ZEB1: variants seen among roughly 807,000 people sequenced by gnomAD.
The protein encoded by ZEB1 is zinc finger E-box binding homeobox 1, also known as zinc finger E-box-binding homeobox 1.
ZEB1 carries 21 observed loss-of-function variants against 84.9 expected under a neutral mutation model. The ratio of observed to expected loss-of-function variants is 0.25; its 90% CI spans 0.18 to 0.36. The LOEUF (loss-of-function observed/expected upper bound fraction) is 0.36. Among genes scored for constraint, ZEB1 ranks in the 10% least tolerant of loss-of-function variants. The probability of loss-of-function intolerance (pLI) is 1.00; values close to 1 mark genes in which losing one functional copy is unlikely to be tolerated. For synonymous variants in ZEB1, 420 were observed against 471.1 expected, an observed-to-expected ratio of 0.89 and a Z score of 1.41; for missense variants, 1,104 against 1,330.2, an observed-to-expected ratio of 0.83 and a Z score of 2.65.
intron 2 of ZEB1, among the ~76,000 whole-genome samples, chr10:31,470,634 ACT>A (rs1248132928): frequency 7.3e-6 from 1 of 137,844 alleles, no homozygotes; most frequent in Non-Finnish European, 1.6e-5. Context: ...GTTGGAAAAC[ACT>A]CTGCAGGATA....
At chr10:31,339,518 C>T (rs1293164650) in intron 1 of ZEB1, among the ~76,000 whole-genome samples, 1 of 152,006 alleles carries the variant, frequency 6.6e-6, no homozygotes. Context: ...ATCTGTAGTC[C>T]CAGCACTTTG....
intron 2 of ZEB1, among the ~76,000 whole-genome samples, chr10:31,485,520 G>A (rs563739693): frequency 2.1e-4 from 32 of 151,940 alleles, no homozygotes; most frequent in Non-Finnish European, 3.8e-4. Flanking sequence ...TGTACTACTT[G>A]TGGATTGATT....
At chr10:31,496,127 G>A (rs1274048266) in intron 3 of ZEB1, among the ~76,000 whole-genome samples, 1 of 151,972 alleles carries the variant, frequency 6.6e-6, no homozygotes, top group African/African-American at 2.4e-5. Context: ...ATGATGATTT[G>A]AACTTCTATC....
intron 1 of ZEB1, among the ~76,000 whole-genome samples, chr10:31,423,696 A>G (rs2056535997): frequency 6.6e-6 from 1 of 152,108 alleles, no homozygotes; most frequent in South Asian, 2.1e-4. Context: ...AAATGAGAAA[A>G]GCTGGCTATA....
intron 1 of ZEB1, chr10:31,363,135 T>C (rs1385856292): frequency 7.8e-6 from 12 of 1,533,958 alleles, no homozygotes; most frequent in Middle Eastern, 2.3e-4. Flanking sequence ...ATCCAAGAGC[T>C]GCAGGATCCT....
chr10:31,510,661 T>A lies in ZEB1; in HGVS notation c.485-12T>A. On this transcript the variant is annotated splice_polypyrimidine_tract_variant and intron_variant, in intron 4 of 8. Coordinates refer to ENST00000424869, the MANE Select transcript of ZEB1 (RefSeq NM_001174096.2). ...TGTTTTAAATTTAAAATATATGATC[T>A]TTCTTTTACAGGAACACCAGATGCA... 1 of 1,608,680 alleles carries A rather than the reference T, an allele frequency of 6.2e-7. No individual in the cohort carries two copies. The highest frequency in any genetic ancestry group is 8.5e-7 in the Non-Finnish European group (1 of 1,175,948).
At chr10:31,403,669 A>T (rs1385839417) in intron 1 of ZEB1, among the ~76,000 whole-genome samples, 2 of 152,060 alleles carry the variant, frequency 1.3e-5, no homozygotes, top group African/African-American at 4.8e-5. Context: ...ATTTTCGTTT[A>T]CACTGCCTCC....
chr10:31,441,052 A>C (rs533522199), intron 1 of ZEB1, among the ~76,000 whole-genome samples: 1 of 152,286 alleles, frequency 6.6e-6, no homozygotes, highest in African/African-American at 2.4e-5. Flanking sequence ...ATTGGAAAAA[A>C]CTACTTTAAA....
intron 2 of ZEB1, among the ~76,000 whole-genome samples, chr10:31,478,727 G>T (rs1285811345): frequency 6.6e-6 from 1 of 151,780 alleles, no homozygotes; most frequent in Non-Finnish European, 1.5e-5. Context: ...GGAGCTGGAG[G>T]CCATTATACT....
chr10:31,476,986 C>T (rs190995084), intron 2 of ZEB1, among the ~76,000 whole-genome samples: 104 of 151,952 alleles, frequency 6.8e-4, no homozygotes, highest in African/African-American at 2.2e-3. Context: ...AAGCATTCAC[C>T]CTAAGAACTG....
rs7919137 is a variant in ZEB1 at position 31,336,460 on chromosome 10, A to G, written c.58+17168A>G. ...AGGTAAAGTAAAATGGTAACACTTT[A>G]TAAAGATGATAGGCTAGAATATCTC... On this transcript the variant is annotated intron_variant, in intron 1 of 8. Transcript: ENST00000424869. Among the ~76,000 whole-genome samples, 6 of 152,162 alleles carry G rather than the reference A, an allele frequency of 3.9e-5. No individual in the cohort carries two copies. In the East Asian group the frequency reaches 9.6e-4, roughly 24 times the overall value.
chr10:31,358,878 G>T lies in ZEB1; in HGVS notation c.58+39586G>T, dbSNP rs373129000. On this transcript the variant is annotated intron_variant, in intron 1 of 8. Transcript: ENST00000424869. ...GGTCACATAGTCATTACAAACAAAT[G>T]TAGGCCAAAATGGTTTATGCTTCTC... 1.4e-4 allele frequency among the ~76,000 whole-genome samples: 22 copies of T among 152,266 alleles called. No individual in the cohort carries two copies. The South Asian group carries it at 3.9e-3, about 27-fold the overall frequency.
upstream of ZEB1, chr10:31,318,971 C>T (rs1262236373): frequency 7.4e-6 from 4 of 541,704 alleles, no homozygotes; most frequent in African/African-American, 5.7e-5. Flanking sequence ...CCTCTCCCCA[C>T]CACACCTGAG....
chr10:31,434,817 G>C (rs1352002899), intron 1 of ZEB1, among the ~76,000 whole-genome samples: 7 of 152,148 alleles, frequency 4.6e-5, no homozygotes, highest in African/African-American at 1.4e-4. Flanking sequence ...CATCAATAAA[G>C]CAGCAGTGTT....
At chr10:31,492,588 G>A (rs896611594) in intron 2 of ZEB1, among the ~76,000 whole-genome samples, 1 of 151,884 alleles carries the variant, frequency 6.6e-6, no homozygotes, top group African/African-American at 2.4e-5. Context: ...GACAAACCAG[G>A]AAAGGGAAAT....
At chr10:31,379,313 C>T (rs2134746697) in intron 1 of ZEB1, among the ~76,000 whole-genome samples, 1 of 152,046 alleles carries the variant, frequency 6.6e-6, no homozygotes, top group East Asian at 1.9e-4. Context: ...AAACTGTCAT[C>T]TCTTTTGTTT....
At chr10:31,429,176 C>A (rs928873197) in intron 1 of ZEB1, among the ~76,000 whole-genome samples, 3 of 152,130 alleles carry the variant, frequency 2.0e-5, no homozygotes, top group Admixed American at 6.5e-5. Flanking sequence ...CTGTGTACTT[C>A]AGTATGGTTT....
chr10:31,329,606 G>A (rs775619987), intron 1 of ZEB1, among the ~76,000 whole-genome samples: 1 of 152,108 alleles, frequency 6.6e-6, no homozygotes, highest in African/African-American at 2.4e-5. Context: ...GTAAGTATAT[G>A]TTTAACTTGG....
chr10:31,334,966 C>T (rs1234758866), intron 1 of ZEB1, among the ~76,000 whole-genome samples: 4 of 152,052 alleles, frequency 2.6e-5, no homozygotes, highest in African/African-American at 9.7e-5. Context: ...TCCAGTTGTA[C>T]AGAGAGTATT....
Sources: allele counts gnomAD v4.1 joint callset (sites outside exome capture counted in the v4.1 genomes callset), GRCh38; gene constraint gnomAD v4.1.1; transcripts MANE v1.5; gene names NCBI Gene and HGNC (gene_info 2026-07-23, HGNC 2026-07-21).